Variants in CEP63 observed in about 807,000 individuals in gnomAD.
The protein encoded by CEP63 is centrosomal protein 63.
In CEP63, 84 loss-of-function variants were observed where a neutral mutation model predicts 89.1. The ratio of observed to expected loss-of-function variants is 0.94; its 90% CI spans 0.79 to 1.13. CEP63 has a LOEUF of 1.13. Ranked by LOEUF, CEP63 falls within the 50% of genes most tolerant of loss-of-function variation. CEP63 has a pLI of 0.00. For synonymous variants in CEP63, 267 were observed against 272.5 expected (o/e 0.98, Z 0.20); for missense variants, 838 against 813.3 (o/e 1.03, Z -0.37).
At chr3:134,501,170 TTC>T (rs1469297341) in intron 2 of CEP63, among the ~76,000 whole-genome samples, 5 of 152,146 alleles carry the variant, frequency 3.3e-5, no homozygotes, top group African/African-American at 9.7e-5. Context: ...TTATTTCTGG[TTC>T]TCTGTTTTGT....
the CEP63 span, chr3:134,603,380 C>T: frequency 2.0e-6 from 1 of 510,690 alleles, no homozygotes; most frequent in Non-Finnish European, 3.4e-6. Context: ...TCTGCCCCCT[C>T]AGTCACAGCC....
the CEP63 span, among the ~76,000 whole-genome samples, chr3:134,616,806 G>A: frequency 2.1e-3 from 313 of 152,204 alleles, 1 homozygote; most frequent in African/African-American, 7.2e-3. Context: ...AGAGCAAAAG[G>A]ACTCCAATCA....
chr3:134,770,566 CT>C, the CEP63 span, among the ~76,000 whole-genome samples: 1 of 152,154 alleles, frequency 6.6e-6, no homozygotes, highest in South Asian at 2.1e-4. Flanking sequence ...CACAATTTAA[CT>C]TGTTTCTCCT....
At chr3:134,611,335 T>C in the CEP63 span, among the ~76,000 whole-genome samples, 1 of 152,196 alleles carries the variant, frequency 6.6e-6, no homozygotes, top group African/African-American at 2.4e-5. Context: ...GGCCCAGGCC[T>C]GGGCTGTGGG....
the CEP63 span, among the ~76,000 whole-genome samples, chr3:134,628,269 G>A: frequency 6.6e-6 from 1 of 152,226 alleles, no homozygotes; most frequent in Non-Finnish European, 1.5e-5. Context: ...GAAAGGTCAG[G>A]TCATAATTAA....
intron 6 of CEP63, among the ~76,000 whole-genome samples, chr3:134,540,811 T>C (rs113463401): frequency 0.03 from 4,577 of 150,624 alleles, 170 homozygotes; most frequent in African/African-American, 0.088. Flanking sequence ...TTTTTTGAGA[T>C]GGAGCCTCGG....
chr3:134,722,215 T>C, the CEP63 span, among the ~76,000 whole-genome samples: 17 of 152,264 alleles, frequency 1.1e-4, 1 homozygote, highest in Middle Eastern at 0.014. Flanking sequence ...TGCATCTTTC[T>C]AGAAATTTGT....
the CEP63 span, chr3:134,607,841 C>A: frequency 1.8e-5 from 18 of 988,064 alleles, no homozygotes; most frequent in Non-Finnish European, 2.2e-5. Flanking sequence ...GGCTGGGTCC[C>A]GCCTCCAGAA....
At chr3:134,565,060 C>T, downstream of CEP63, 2 of 752,874 alleles carry the variant, frequency 2.7e-6, no homozygotes, top group South Asian at 6.1e-5. Flanking sequence ...CACACATTTT[C>T]CAAAATCTGT....
chr3:134,503,730 T>C (rs892094726), intron 2 of CEP63, among the ~76,000 whole-genome samples: 10 of 152,206 alleles, frequency 6.6e-5, no homozygotes, highest in African/African-American at 2.2e-4. Flanking sequence ...ATCTTGTTGC[T>C]GAATTGATCC....
chr3:134,744,765 T>C, the CEP63 span, among the ~76,000 whole-genome samples: 16 of 152,224 alleles, frequency 1.1e-4, no homozygotes, highest in East Asian at 3.1e-3. Context: ...CAATCCTCCC[T>C]CCTCTTCCTT....
the CEP63 span, among the ~76,000 whole-genome samples, chr3:134,650,323 GAA>G: frequency 4.6e-5 from 7 of 152,198 alleles, no homozygotes; most frequent in African/African-American, 1.4e-4. Context: ...GAGGCTGGGA[GAA>G]AGTCTCAAGA....
intron 10 of CEP63, among the ~76,000 whole-genome samples, chr3:134,583,344 A>G (rs1281459661): frequency 6.6e-6 from 1 of 152,126 alleles, no homozygotes; most frequent in Non-Finnish European, 1.5e-5. Flanking sequence ...TCCATCTTGA[A>G]TTAATTTTTG....
the CEP63 span, among the ~76,000 whole-genome samples, chr3:134,665,702 C>CACACACACACAG: frequency 2.1e-3 from 217 of 102,366 alleles, 1 homozygote; most frequent in Non-Finnish European, 3.3e-3. Context: ...CACACACACA[C>CACACACACACAG]AGAGAGAGAG....
intron 10 of CEP63, among the ~76,000 whole-genome samples, chr3:134,582,527 G>A (rs1958384792): frequency 6.6e-6 from 1 of 152,148 alleles, no homozygotes; most frequent in South Asian, 2.1e-4. Flanking sequence ...TTTTATGGCT[G>A]CATAGTATTC....
intron 1 of CEP63, among the ~76,000 whole-genome samples, chr3:134,492,070 C>CTTTTTTTTTTTTTT (rs74269453): frequency 9.6e-6 from 1 of 103,682 alleles, no homozygotes; most frequent in African/African-American, 3.7e-5. Context: ...TATTTGTATT[C>CTTTTTTTTTTTTTT]TTTTTTTTTT....
chr3:134,655,996 A>T, the CEP63 span, among the ~76,000 whole-genome samples: 1 of 152,238 alleles, frequency 6.6e-6, no homozygotes, highest in Admixed American at 6.5e-5. Context: ...GTGTTGTGAT[A>T]GTTCCATACC....
chr3:134,727,212 G>A, the CEP63 span, among the ~76,000 whole-genome samples: 1 of 152,168 alleles, frequency 6.6e-6, no homozygotes, highest in Non-Finnish European at 1.5e-5. Flanking sequence ...ACTGCTCCCA[G>A]GATGGCAAAG....
the CEP63 span, among the ~76,000 whole-genome samples, chr3:134,779,294 C>G: frequency 6.6e-6 from 1 of 152,146 alleles, no homozygotes; most frequent in African/African-American, 2.4e-5. Context: ...GTGATACTTT[C>G]CAATTGTGCA....
Sources: gnomAD v4.1 joint callset for allele counts (sites outside exome capture counted in the v4.1 genomes callset) on GRCh38, gnomAD v4.1.1 for gene constraint, MANE v1.5 for transcripts, NCBI Gene and HGNC (gene_info 2026-07-23, HGNC 2026-07-21) for gene names.